Variants in IL1RAPL1 observed in about 807,000 individuals in gnomAD.
IL1RAPL1 encodes interleukin 1 receptor accessory protein like 1.
Under a neutral mutation model 48.4 loss-of-function variants are expected in IL1RAPL1, and 3 were observed. That is an observed-to-expected ratio of 0.06 (90% CI 0.03 to 0.16). IL1RAPL1 has a LOEUF of 0.16. IL1RAPL1 is among the 10% of genes least tolerant of loss of function. The pLI is 1.00. For missense variants in IL1RAPL1, 349 were observed against 530.6 expected (o/e 0.66, Z 3.36); for synonymous variants, 185 against 187.7 (o/e 0.99, Z 0.12).
intron 5 of IL1RAPL1, among the ~76,000 whole-genome samples, chrX:29,586,453 T>C (rs1923164875): frequency 8.9e-6 from 1 of 112,011 alleles, no homozygotes. Context: ...TGTAGATTTG[T>C]AATATGTTAT....
intron 5 of IL1RAPL1, among the ~76,000 whole-genome samples, chrX:29,617,605 G>T (rs986419822): frequency 1.8e-5 from 2 of 112,078 alleles, no homozygotes; most frequent in African/African-American, 6.5e-5. Flanking sequence ...GGCAACGAAA[G>T]AAACTTCACT....
At chrX:29,334,725 G>C (rs1350622020) in intron 3 of IL1RAPL1, among the ~76,000 whole-genome samples, 1 of 111,969 alleles carries the variant, frequency 8.9e-6, no homozygotes, top group Non-Finnish European at 1.9e-5. Context: ...ATGGGCGGCC[G>C]GGCAGAGACG....
chrX:29,765,760 A>G (rs1928866918), intron 6 of IL1RAPL1, among the ~76,000 whole-genome samples: 2 of 111,735 alleles, frequency 1.8e-5, no homozygotes, highest in Non-Finnish European at 3.8e-5. Context: ...AGGAACTTGG[A>G]TGGAGCCAGA....
intron 6 of IL1RAPL1, among the ~76,000 whole-genome samples, chrX:29,801,066 A>AAAAAAC (rs1929886940): frequency 1.1e-5 from 1 of 91,605 alleles, no homozygotes; most frequent in African/African-American, 4.0e-5. Flanking sequence ...AAAAAAAAAA[A>AAAAAAC]AAAAAAAAAA....
At position 28,938,481 on chromosome X, in the gene IL1RAPL1, G is replaced by C. The variant is rs111547400; in HGVS notation, c.82+149056G>C. Among the ~76,000 whole-genome samples the C allele has an allele frequency of 3.7e-3, 406 of 109,527 alleles. 1 individual carries two copies. The highest frequency in any genetic ancestry group is 0.013 in the African/African-American group (394 of 29,898). ...ACTGGCTAGCCACATCCAGAAGATT[G>C]AAACTGGACCCCCTCCTTATACCAT... On this transcript the variant is annotated intron_variant, in intron 2 of 10. Coordinates refer to ENST00000378993, the MANE Select transcript of IL1RAPL1 (RefSeq NM_014271.4).
At chrX:29,118,382 A>G (rs1480628442) in intron 2 of IL1RAPL1, among the ~76,000 whole-genome samples, 1 of 111,928 alleles carries the variant, frequency 8.9e-6, no homozygotes, top group African/African-American at 3.2e-5. Context: ...GACACAGAGA[A>G]GTTAAAATAA....
intron 2 of IL1RAPL1, among the ~76,000 whole-genome samples, chrX:29,169,745 G>C (rs1400698532): frequency 9.1e-6 from 1 of 110,394 alleles, no homozygotes; most frequent in African/African-American, 3.3e-5. Flanking sequence ...ACCTGAAAAT[G>C]TTATCAGTGG....
intron 2 of IL1RAPL1, among the ~76,000 whole-genome samples, chrX:29,176,256 G>C (rs1297282776): frequency 3.7e-5 from 3 of 80,226 alleles, no homozygotes; most frequent in Admixed American, 1.3e-4. Flanking sequence ...ACCACGCCTG[G>C]CTAATTTTTT....
intron 6 of IL1RAPL1, among the ~76,000 whole-genome samples, chrX:29,685,457 C>T (rs1024021802): frequency 3.6e-5 from 4 of 110,868 alleles, no homozygotes; most frequent in African/African-American, 9.9e-5. Flanking sequence ...GAGCCGAGAT[C>T]GTGCCACTCC....
intron 6 of IL1RAPL1, among the ~76,000 whole-genome samples, chrX:29,896,653 G>T (rs749755099): frequency 5.3e-5 from 6 of 112,276 alleles, no homozygotes; most frequent in Non-Finnish European, 1.1e-4. Context: ...ATTCCACTAG[G>T]ATAGACTGAA....
intron 2 of IL1RAPL1, among the ~76,000 whole-genome samples, chrX:29,263,492 T>C (rs1378342645): frequency 8.9e-6 from 1 of 112,110 alleles, no homozygotes; most frequent in East Asian, 2.8e-4. Context: ...ACACAAGGCT[T>C]GATTACTCCT....
At chrX:28,658,649 A>G (rs1227270938) in intron 1 of IL1RAPL1, among the ~76,000 whole-genome samples, 1 of 111,428 alleles carries the variant, frequency 9.0e-6, no homozygotes, top group Non-Finnish European at 1.9e-5. Flanking sequence ...TCAGAAAAGT[A>G]TAGTGAATGG....
chrX:28,985,444 A>G (rs1254487969), intron 2 of IL1RAPL1, among the ~76,000 whole-genome samples: 1 of 111,864 alleles, frequency 8.9e-6, no homozygotes, highest in Admixed American at 9.5e-5. Flanking sequence ...ACATGTGCAC[A>G]GAGATGTTCT....
At chrX:29,269,994 T>G (rs779319812) in intron 2 of IL1RAPL1, among the ~76,000 whole-genome samples, 1 of 111,512 alleles carries the variant, frequency 9.0e-6, no homozygotes, top group South Asian at 3.7e-4. Context: ...TTCTAGAGTT[T>G]TATATAAATG....
chrX:29,214,109 A>AC (rs1211595246), intron 2 of IL1RAPL1, among the ~76,000 whole-genome samples: 13 of 111,494 alleles, frequency 1.2e-4, no homozygotes, highest in African/African-American at 4.2e-4. Context: ...TGCAAACTAA[A>AC]AAGATTAAAT....
chrX:28,644,399 A>G (rs1934583522), intron 1 of IL1RAPL1, among the ~76,000 whole-genome samples: 1 of 111,722 alleles, frequency 9.0e-6, no homozygotes, highest in Admixed American at 9.5e-5. Context: ...TCTGTTTTTC[A>G]GTTCACCTGA....
chrX:29,106,340 A>G (rs1002232179), intron 2 of IL1RAPL1, among the ~76,000 whole-genome samples: 1 of 111,276 alleles, frequency 9.0e-6, no homozygotes, highest in Non-Finnish European at 1.9e-5. Flanking sequence ...CCAAACACAC[A>G]TACCTTGCTA....
chrX:28,777,073 G>A (rs1333347001), intron 1 of IL1RAPL1, among the ~76,000 whole-genome samples: 2 of 111,883 alleles, frequency 1.8e-5, no homozygotes, highest in African/African-American at 3.2e-5. Flanking sequence ...TCTGTAGGTC[G>A]AAAGTATAAA....
intron 2 of IL1RAPL1, among the ~76,000 whole-genome samples, chrX:29,039,913 AAAC>A (rs769430467): frequency 9.0e-5 from 10 of 110,819 alleles, no homozygotes; most frequent in Non-Finnish European, 1.1e-4. Flanking sequence ...CCCTATATGC[AAAC>A]AACAACAACA....
Sources: gnomAD v4.1 joint callset for allele counts (sites outside exome capture counted in the v4.1 genomes callset) on GRCh38, gnomAD v4.1.1 for gene constraint, MANE v1.5 for transcripts, NCBI Gene and HGNC (gene_info 2026-07-23, HGNC 2026-07-21) for gene names.